The following ANKRD44 variants were observed in gnomAD, a reference collection of about 807,000 sequenced individuals.
ANKRD44 encodes the protein serine/threonine-protein phosphatase 6 regulatory ankyrin repeat subunit B.
ANKRD44 carries 35 observed loss-of-function variants against 116.0 expected under a neutral mutation model. The observed-to-expected ratio is 0.30, with a 90% CI of 0.23 to 0.40. ANKRD44 has a LOEUF of 0.40. Ranked by LOEUF, ANKRD44 falls within the 10% of genes least tolerant of loss-of-function variation. The pLI, the probability that ANKRD44 is intolerant of heterozygous loss-of-function variation, is 1.00. For synonymous variants in ANKRD44, 435 were observed against 461.8 expected (o/e 0.94, Z 0.74); for missense variants, 1,014 against 1,242.6 (o/e 0.82, Z 2.77).
At chr2:197,111,180 T>C (rs2078556274) in intron 8 of ANKRD44, among the ~76,000 whole-genome samples, 2 of 152,212 alleles carry the variant, frequency 1.3e-5, no homozygotes, top group Non-Finnish European at 2.9e-5. Flanking sequence ...AGAGAAACAG[T>C]TATCTGAAAC....
At chr2:197,046,641 C>CAA (rs11381131) in intron 16 of ANKRD44, among the ~76,000 whole-genome samples, 2,038 of 145,558 alleles carry the variant, frequency 0.014, 20 homozygotes, top group Middle Eastern at 0.018. Context: ...GCGAGACTGG[C>CAA]AAAAAAAAAA....
chr2:197,150,291 G>C (rs2079610411), intron 2 of ANKRD44, among the ~76,000 whole-genome samples: 2 of 152,166 alleles, frequency 1.3e-5, no homozygotes, highest in African/African-American at 4.8e-5. Context: ...GCTCACACCT[G>C]TAATCCCAGC....
chr2:197,243,366 G>A (rs909422537), intron 1 of ANKRD44, among the ~76,000 whole-genome samples: 4 of 151,772 alleles, frequency 2.6e-5, no homozygotes, highest in African/African-American at 9.7e-5. Context: ...CAATGTCACA[G>A]GAATACAGCT....
chr2:197,014,748 C>T (rs1158202732), intron 17 of ANKRD44, among the ~76,000 whole-genome samples: 2 of 151,374 alleles, frequency 1.3e-5, no homozygotes, highest in African/African-American at 4.9e-5. Flanking sequence ...CACGACTCTG[C>T]ACTCCAGCTT....
At position 197,078,751 on chromosome 2, in the gene ANKRD44, A is replaced by G; in HGVS notation, c.1602T>C (p.Asn534=). Residue 534 remains asparagine (N), a synonymous_variant, in exon 16 of 28, where the codon AAT becomes AAC. Coordinates refer to ENST00000282272, the MANE Select transcript of ANKRD44 (RefSeq NM_001195144.2). ...NPSIRDKEGY[N]SIHYAAAYGH... ...CATAGGCGGCAGCATAATGTATGCT[A>G]TTGTAACCTTCCTTGTCCCGGATAG... 2 of 1,613,220 alleles carry G rather than the reference A, an allele frequency of 1.2e-6. No homozygotes were observed. The highest frequency in any genetic ancestry group is 1.3e-5 in the African/African-American group (1 of 74,954).
intron 16 of ANKRD44, among the ~76,000 whole-genome samples, chr2:197,051,768 T>G (rs1486793971): frequency 6.6e-6 from 1 of 152,164 alleles, no homozygotes; most frequent in Non-Finnish European, 1.5e-5. Context: ...CAGGGCATTG[T>G]AACCCCTAGG....
In ANKRD44 at chr2:197,095,344, A is replaced by G. The variant is rs114644149; in HGVS notation, c.1100+4472T>C. On this transcript the variant is annotated intron_variant, in intron 10 of 27. Coordinates refer to ENST00000282272, the MANE Select transcript of ANKRD44 (RefSeq NM_001195144.2). ...TAAAGATGGGCTCAATGGACAAGTG[A>G]TAAGGCTGAACCTAGGGAGGGCCAA... Among the ~76,000 whole-genome samples the G allele has an allele frequency of 7.6e-3, 1,165 of 152,342 alleles. 18 individuals carry two copies. Among genetic ancestry groups the G allele is most frequent in the African/African-American group, 0.027 (1,117 of 41,564 alleles).
intron 3 of ANKRD44, among the ~76,000 whole-genome samples, chr2:197,142,882 G>A (rs1478712244): frequency 6.6e-6 from 1 of 151,740 alleles, no homozygotes; most frequent in Non-Finnish European, 1.5e-5. Context: ...GCTCATGCCT[G>A]TAATCCCAGC....
intron 1 of ANKRD44, among the ~76,000 whole-genome samples, chr2:197,210,892 T>C (rs972036029): frequency 6.6e-6 from 1 of 152,118 alleles, no homozygotes; most frequent in Admixed American, 6.6e-5. Flanking sequence ...CAGGATGTGC[T>C]CTGTTTGGTG....
At chr2:196,970,747 G>A (rs532181722) in intron 21 of ANKRD44, among the ~76,000 whole-genome samples, 1 of 152,278 alleles carries the variant, frequency 6.6e-6, no homozygotes, top group South Asian at 2.1e-4. Flanking sequence ...TGTTGCCCAG[G>A]CTGGAGTGCA....
chr2:197,026,057 A>AAAAAAC lies in ANKRD44; in HGVS notation c.1651-791_1651-790insGTTTTT, dbSNP rs1194231222. Reference sequence around the variant, plus strand: ...GGAGATAAAAAGAAACAAAAAAAAAAAAAACACCTTTCTGGGCAATTTGTG... The same window carrying AAAAAAC: ...GGAGATAAAAAGAAACAAAAAAAAAAAAAAACAAAACACCTTTCTGGGCAATTTGTG... On this transcript the variant is annotated intron_variant, in intron 16 of 27. Coordinates refer to ENST00000282272, the MANE Select transcript of ANKRD44 (RefSeq NM_001195144.2). 4.6e-5 allele frequency among the ~76,000 whole-genome samples: 7 copies of AAAAAAC among 151,990 alleles called. No individual in the cohort carries two copies. The East Asian group carries it at 1.2e-3, about 25-fold the overall frequency.
chr2:197,040,252 AC>A (rs2076885972), intron 16 of ANKRD44, among the ~76,000 whole-genome samples: 1 of 151,248 alleles, frequency 6.6e-6, no homozygotes, highest in African/African-American at 2.4e-5. Context: ...CAACAAAAAA[AC>A]AAAACAAAAC....
intron 17 of ANKRD44, among the ~76,000 whole-genome samples, chr2:197,024,256 A>G (rs1285701058): frequency 6.6e-6 from 1 of 152,228 alleles, no homozygotes; most frequent in Non-Finnish European, 1.5e-5. Flanking sequence ...AGTCATAAAC[A>G]CAGTTAAACA....
chr2:197,007,668 T>A (rs1228427926), intron 20 of ANKRD44, 138 bp downstream of exon 20: 1 of 636,788 alleles, frequency 1.6e-6, no homozygotes, highest in Non-Finnish European at 2.8e-6. Context: ...GGTTAATTGG[T>A]TGTATTAGGA....
At chr2:197,271,221 T>A (rs1250458876) in intron 1 of ANKRD44, among the ~76,000 whole-genome samples, 1 of 152,248 alleles carries the variant, frequency 6.6e-6, no homozygotes. Flanking sequence ...AATGTTTGTG[T>A]GCACCCTCAA....
At chr2:197,230,352 G>A (rs750851568) in intron 1 of ANKRD44, among the ~76,000 whole-genome samples, 29 of 152,028 alleles carry the variant, frequency 1.9e-4, no homozygotes, top group Admixed American at 1.3e-4. Context: ...TGCTTGGGTT[G>A]TAACCAGAAC....
intron 21 of ANKRD44, among the ~76,000 whole-genome samples, chr2:196,975,587 C>T (rs2075750951): frequency 1.3e-5 from 2 of 150,376 alleles, no homozygotes; most frequent in South Asian, 2.1e-4. Flanking sequence ...AGTTCAAAAC[C>T]AGCCTAGCCA....
Position 197,083,370 on chromosome 2 carries a change from T to C in ANKRD44, c.1456A>G (p.Asn486Asp). The C allele has an allele frequency of 6.2e-7, 1 of 1,611,644 alleles. No homozygotes were observed. Among genetic ancestry groups the C allele is most frequent in the Non-Finnish European group, 8.5e-7 (1 of 1,179,108 alleles). The change falls in exon 14 of 28, where the codon AAT (asparagine) becomes GAT (aspartate). Residue 486 changes from asparagine to aspartate, a missense_variant and splice_region_variant. Asn to Asp is a conservative substitution (Grantham distance 23). Coordinates refer to ENST00000282272, the MANE Select transcript of ANKRD44 (RefSeq NM_001195144.2). ...HYAAASDMDRNKTILGNAHDN... is the reference protein window; with the variant it reads ...HYAAASDMDRDKTILGNAHDN... ...AAGCATGAGCAAGGCTGTTTTTACTTTCTATCCATGTCTGATGCAGCGGCG... is the reference window on the plus strand; with the variant it reads ...AAGCATGAGCAAGGCTGTTTTTACTCTCTATCCATGTCTGATGCAGCGGCG...
At chr2:197,154,169 G>A (rs1004827543) in intron 2 of ANKRD44, among the ~76,000 whole-genome samples, 4 of 148,256 alleles carry the variant, frequency 2.7e-5, no homozygotes, top group African/African-American at 1.0e-4. Context: ...GATGCTATCG[G>A]CTTTCTTTTT....
Sources: gnomAD v4.1 joint callset for allele counts (sites outside exome capture counted in the v4.1 genomes callset) on GRCh38, gnomAD v4.1.1 for gene constraint, MANE v1.5 for transcripts, NCBI Gene and HGNC (gene_info 2026-07-23, HGNC 2026-07-21) for gene names.